The following CLSPN variants were observed in gnomAD, a reference collection of about 807,000 sequenced individuals.
CLSPN encodes the protein claspin, also known as claspin homolog.
A neutral mutation model predicts 156.3 loss-of-function variants in CLSPN; 85 were observed. The observed-to-expected ratio is 0.54, with a 90% CI of 0.46 to 0.65. The LOEUF is 0.65. Among genes scored for constraint, CLSPN ranks in the 30% least tolerant of loss-of-function variants. The pLI, the probability that CLSPN is intolerant of heterozygous loss-of-function variation, is 0.00. For synonymous variants in CLSPN, 534 were observed against 542.4 expected, an observed-to-expected ratio of 0.98 and a Z score of 0.22; for missense variants, 1,407 against 1,554.9, an observed-to-expected ratio of 0.90 and a Z score of 1.60.
chr1:35,741,473 C>A (rs116509354), intron 18 of CLSPN, among the ~76,000 whole-genome samples: 1 of 152,006 alleles, frequency 6.6e-6, no homozygotes, highest in Non-Finnish European at 1.5e-5. Flanking sequence ...CTGGCCATCA[C>A]GCTTGGCTAA....
intron 18 of CLSPN, among the ~76,000 whole-genome samples, chr1:35,741,925 G>C (rs1641705767): frequency 8.3e-6 from 1 of 120,966 alleles, no homozygotes; most frequent in Non-Finnish European, 1.6e-5. Context: ...AGTGAGCCGA[G>C]ATCATGCCAC....
intron 22 of CLSPN, 113 bp from the exon 23 acceptor site, chr1:35,737,534 ACT>A (rs1216443395): frequency 1.3e-6 from 1 of 771,086 alleles, no homozygotes; most frequent in Non-Finnish European, 2.2e-6. Flanking sequence ...AGCCATGGGA[ACT>A]CTGTTCTATA....
At position 35,746,372 on chromosome 1, in the gene CLSPN, C is replaced by T. The variant is rs545587698; in HGVS notation, c.2854+394G>A. Among the ~76,000 whole-genome samples, 4 of 151,988 alleles carry T rather than the reference C, an allele frequency of 2.6e-5. No homozygotes were observed. Among genetic ancestry groups the T allele is most frequent in the Non-Finnish European group, 5.9e-5 (4 of 67,984 alleles). ...GCCCTGTTTTCTGTGAACTTTTCAC[C>T]TGAGGGTAAGGGGCTTCTTTTCTTT... On this transcript the variant is annotated intron_variant, in intron 15 of 24. Transcript: ENST00000318121. This position sits in a 1 kb window ranked among gnomAD's most constrained non-coding sequence, Gnocchi z 4.2.
Position 35,733,646 on chromosome 1 carries a change from T to C in CLSPN, c.*2850A>G, listed in dbSNP as rs1263860863. ...ATGTATCTTGAACCCATGGATAAAA[T>C]GAAGTACATACAAACTTAGCTAAAG... On this transcript the variant is annotated 3_prime_UTR_variant, in exon 25 of 25. Transcript: ENST00000318121. The C allele has an allele frequency of 2.0e-6, 2 of 985,256 alleles. No individual in the cohort carries two copies. Among genetic ancestry groups the C allele is most frequent in the Non-Finnish European group, 2.4e-6 (2 of 829,938 alleles). The allele number at this position is 985,256 out of a possible 1,614,324, so 61.0% of individuals were successfully genotyped here.
intron 23 of CLSPN, 56 bp from the exon 24 acceptor site, chr1:35,737,131 A>T (rs1641502752): frequency 6.4e-7 from 1 of 1,556,724 alleles, no homozygotes; most frequent in African/African-American, 1.4e-5. Context: ...AAAGAATGAA[A>T]AGTCCTTCCC....
At position 35,736,267 on chromosome 1, in the gene CLSPN, T is replaced by A. The variant is rs1276205935; in HGVS notation, c.*229A>T. The A allele has an allele frequency of 8.6e-7, 1 of 1,156,908 alleles. No individual in the cohort carries two copies. The highest frequency in any genetic ancestry group is 1.1e-6 in the Non-Finnish European group (1 of 941,380). The allele number at this position is 1,156,908 out of a possible 1,614,324, so 71.7% of individuals were successfully genotyped here. ...CTCACCCAAGTATTCCATGAGTTGT[T>A]GATGTTGTAAATACTGCAGAATTGA... On this transcript the variant is annotated 3_prime_UTR_variant, in exon 25 of 25. Coordinates refer to ENST00000318121, the MANE Select transcript of CLSPN (RefSeq NM_022111.4).
chr1:35,751,759 G>A (rs1362995520), intron 9 of CLSPN, among the ~76,000 whole-genome samples: 1 of 147,478 alleles, frequency 6.8e-6, no homozygotes, highest in African/African-American at 2.5e-5. Flanking sequence ...TGGGTAGGGA[G>A]TAGAGCTTCA....
In CLSPN at chr1:35,764,624, G is replaced by A. The variant is rs766041122; in HGVS notation, c.224C>T (p.Ser75Phe). The change falls in exon 3 of 25, where the codon TCT becomes TTT. Residue 75 changes from serine (S) to phenylalanine (F), a missense_variant. Ser to Phe is a radical substitution (Grantham distance 155, BLOSUM62 -2). This residue lies in a region of CLSPN where 1,096 missense variants were observed against 1,193.0 expected (regional missense o/e 0.92). Transcript: ENST00000318121. ...SDSETEDTNA[S>F]PEKTTYDSAE... is the part of the protein sequence containing the mutation. ...ACTGTCATAGGTAGTTTTCTCTGGA[G>A]AGGCATTTGTGTCCTCTGTTTCGGA... 3.7e-6 allele frequency: 6 copies of A among 1,613,440 alleles called. No individual in the cohort carries two copies. Among genetic ancestry groups the A allele is most frequent in the Non-Finnish European group, 5.1e-6 (6 of 1,179,846 alleles).
intron 8 of CLSPN, among the ~76,000 whole-genome samples, chr1:35,755,027 G>A (rs1330925542): frequency 6.6e-6 from 1 of 152,166 alleles, no homozygotes; most frequent in Non-Finnish European, 1.5e-5. Flanking sequence ...AGAGCTGGCA[G>A]TTTTAAGGAG....
At chr1:35,755,798 T>C (rs2148622598) in intron 8 of CLSPN, among the ~76,000 whole-genome samples, 2 of 152,296 alleles carry the variant, frequency 1.3e-5, no homozygotes, top group South Asian at 4.1e-4. Context: ...AACCTTGACC[T>C]CCTGGGTTTA....
downstream of CLSPN, among the ~76,000 whole-genome samples, chr1:35,731,154 C>T (rs1571185760): frequency 6.7e-6 from 1 of 149,318 alleles, no homozygotes; most frequent in African/African-American, 2.5e-5. Flanking sequence ...GAGCCGAGAT[C>T]GTACCACTGC....
rs780119995 is a variant in CLSPN, at chr1:35,751,321, C to A, written c.1957G>T (p.Glu653Ter). 1 of 1,589,778 alleles carries A rather than the reference C, an allele frequency of 6.3e-7. No homozygotes were observed. Among genetic ancestry groups the A allele is most frequent in the Non-Finnish European group, 8.6e-7 (1 of 1,165,178 alleles). Residue 653 changes from glutamate (E) to a stop codon, truncating the protein, a stop_gained, in exon 10 of 25, where the codon GAA (glutamate) becomes TAA (stop). Transcript: ENST00000318121. LOFTEE classifies it high-confidence loss of function. ...TCCTCTAGTTCTTCCTCTTTCTCTTCTTTCTCTACCTTCTCTTCTCCATCT... is the reference window on the plus strand; with the variant it reads ...TCCTCTAGTTCTTCCTCTTTCTCTTATTTCTCTACCTTCTCTTCTCCATCT... ...EEDGEEKVEK[E>*]EKEEELEEEE...
chr1:35,746,721 G>A lies in CLSPN; in HGVS notation c.2854+45C>T. 1 of 1,340,274 alleles carries A rather than the reference G, an allele frequency of 7.5e-7. No homozygotes were observed. The highest frequency in any genetic ancestry group is 1.1e-6 in the Non-Finnish European group (1 of 931,620). The allele number at this position is 1,340,274 out of a possible 1,614,324, so 83.0% of individuals were successfully genotyped here. ...CCAGGGAATTCTTTTCAAGGGCACT[G>A]ATACTTGGGTGTGGTAAGCTTGATA... is the stretch of plus-strand genomic sequence containing the variant. On this transcript the variant is annotated intron_variant, in intron 15 of 24. Transcript: ENST00000318121. This position sits in a 1 kb window ranked among gnomAD's most constrained non-coding sequence, Gnocchi z 4.2.
chr1:35,761,123 C>T lies in CLSPN; in HGVS notation c.977G>A (p.Cys326Tyr). The stretch of plus-strand genomic sequence containing the variant: ...CAATAGTGCCATGGCATTTCCGTGG[C>T]AAGTGGGCCGGGGTTTACGTTTGAA... ...DFFKRKPRPT[C>Y]HGNAMALLKS... Residue 326 changes from cysteine to tyrosine, a missense_variant, in exon 7 of 25, where the codon TGC becomes TAC. By Grantham distance (194) the Cys-to-Tyr change is radical. Transcript: ENST00000318121. 2 of 1,612,886 alleles carry T rather than the reference C, an allele frequency of 1.2e-6. No homozygotes were observed. Among genetic ancestry groups the T allele is most frequent in the Non-Finnish European group, 1.7e-6 (2 of 1,178,938 alleles).
chr1:35,737,914 C>T lies in CLSPN; in HGVS notation c.3664+78G>A, dbSNP rs919516883. 25 of 754,016 alleles carry T rather than the reference C, an allele frequency of 3.3e-5. No individual in the cohort carries two copies. In the Admixed American group the frequency reaches 6.8e-4, roughly 20 times the overall value. The allele number at this position is 754,016 out of a possible 1,614,324, so 46.7% of individuals were successfully genotyped here. ...GCTTATGATTAAGCTGCAACAGCTC[C>T]TGAAGGTTAGAGTCACCTCCAAAGC... On this transcript the variant is annotated intron_variant, in intron 22 of 24. Coordinates refer to ENST00000318121, the MANE Select transcript of CLSPN (RefSeq NM_022111.4).
At chr1:35,756,964 C>G (rs1395838124) in intron 8 of CLSPN, among the ~76,000 whole-genome samples, 1 of 152,154 alleles carries the variant, frequency 6.6e-6, no homozygotes, top group Non-Finnish European at 1.5e-5. Context: ...CATAAAAACC[C>G]TGAATGATCT....
chr1:35,755,488 G>A (rs964072372), intron 8 of CLSPN, among the ~76,000 whole-genome samples: 1 of 152,038 alleles, frequency 6.6e-6, no homozygotes, highest in Non-Finnish European at 1.5e-5. Context: ...GGCCAGGCTG[G>A]TCTTGAACTC....
intron 24 of CLSPN, among the ~76,000 whole-genome samples, chr1:35,722,623 GTC>G (rs1045426053): frequency 2.0e-5 from 3 of 151,890 alleles, no homozygotes; most frequent in East Asian, 1.9e-4. Context: ...TCAGATTGTA[GTC>G]TCTCTCTTTC....
downstream of CLSPN, among the ~76,000 whole-genome samples, chr1:35,730,235 A>G (rs981156105): frequency 6.6e-6 from 1 of 152,124 alleles, no homozygotes; most frequent in African/African-American, 2.4e-5. Flanking sequence ...CATCATGATG[A>G]CAGACCCAAA....
Sources: gnomAD v4.1 joint callset for allele counts (sites outside exome capture counted in the v4.1 genomes callset) on GRCh38, gnomAD v4.1.1 for gene constraint, gnomAD v4.1.1 regional missense constraint, Gnocchi (gnomAD v3.1) non-coding constraint, MANE v1.5 for transcripts, NCBI Gene and HGNC (gene_info 2026-07-23, HGNC 2026-07-21) for gene names.